SYNPO: variants seen among roughly 807,000 people sequenced by gnomAD.
The protein encoded by SYNPO is synaptopodin.
Under a neutral mutation model 49.5 loss-of-function variants are expected in SYNPO, and 19 were observed. That is an observed-to-expected ratio of 0.38 (90% CI 0.27 to 0.56). SYNPO has a LOEUF of 0.56. Among genes scored for constraint, SYNPO ranks in the 20% least tolerant of loss-of-function variants. SYNPO has a pLI of 0.68. For missense variants in SYNPO, 1,131 were observed against 1,248.3 expected (o/e 0.91, Z 1.42); for synonymous variants, 536 against 548.0 (o/e 0.98, Z 0.31).
In SYNPO at chr5:150,647,953, G is replaced by A. The variant is rs375586790; in HGVS notation, c.-323G>A. On this transcript the variant is annotated 5_prime_UTR_variant, in exon 2 of 3. Transcript: ENST00000307662. ...TTGTCCCTCCCTGTAGCGTTGGGCC[G>A]GAGCACTAGCCTCACGGAGAAGGAT... is the stretch of plus-strand genomic sequence containing the variant. 23 of 1,551,518 alleles carry A rather than the reference G, an allele frequency of 1.5e-5. No homozygotes were observed. The highest frequency in any genetic ancestry group is 2.7e-5 in the African/African-American group (2 of 73,158).
intron 2 of SYNPO, among the ~76,000 whole-genome samples, chr5:150,634,171 G>A (rs1309838008): frequency 6.6e-6 from 1 of 152,126 alleles, no homozygotes; most frequent in African/African-American, 2.4e-5. Context: ...GCCTGTTAAG[G>A]TGTATATTCT....
upstream of SYNPO, among the ~76,000 whole-genome samples, chr5:150,637,813 T>C (rs1757769527): frequency 6.6e-6 from 1 of 152,194 alleles, no homozygotes; most frequent in East Asian, 1.9e-4. Flanking sequence ...CTGCACGGCG[T>C]CCTTTCCTAT....
At chr5:150,626,967 CAT>C (rs1401054479) in intron 2 of SYNPO, among the ~76,000 whole-genome samples, 2 of 152,190 alleles carry the variant, frequency 1.3e-5, no homozygotes, top group East Asian at 1.9e-4. Flanking sequence ...CCAGGGCTGA[CAT>C]GTGTCTTCCT....
intron 2 of SYNPO, chr5:150,653,798 G>C (rs1159202768): frequency 6.6e-6 from 1 of 152,182 alleles, no homozygotes; most frequent in Non-Finnish European, 1.5e-5. Flanking sequence ...GAAAACAGTG[G>C]GATCCCAGGC....
intron 1 of SYNPO, among the ~76,000 whole-genome samples, chr5:150,606,038 G>A (rs779086173): frequency 1.3e-5 from 2 of 152,012 alleles, no homozygotes; most frequent in Non-Finnish European, 1.5e-5. Flanking sequence ...AACACGTACA[G>A]ACACACAGAT....
At chr5:150,599,914 C>A (rs1260848587), upstream of SYNPO, among the ~76,000 whole-genome samples, 3 of 152,148 alleles carry the variant, frequency 2.0e-5, no homozygotes, top group Non-Finnish European at 4.4e-5. Context: ...GAGAGGGGAA[C>A]TGAGGCCACC....
rs546161525 is a variant in SYNPO at position 150,606,387 on chromosome 5, G to A, written c.-266+5199G>A. Among the ~76,000 whole-genome samples, 3 of 152,344 alleles carry A rather than the reference G, an allele frequency of 2.0e-5. No homozygotes were observed. In the South Asian group the frequency reaches 6.2e-4, roughly 32 times the overall value. Reference sequence around the variant, plus strand: ...AGGCTCTGTTCTAAGCTCTTATATTGTTTCATCCTCACAACCACCCAGTGA... The same window carrying A: ...AGGCTCTGTTCTAAGCTCTTATATTATTTCATCCTCACAACCACCCAGTGA... On this transcript the variant is annotated intron_variant, in intron 1 of 2. Transcript: ENST00000394243.
rs769009216 is a variant in SYNPO, at chr5:150,648,939, T to C, written c.664T>C (p.Tyr222His). Residue 222 changes from tyrosine to histidine, a missense_variant, in exon 2 of 3, where the codon TAC becomes CAC. Tyr to His is a moderately conservative substitution (Grantham distance 83, BLOSUM62 2). Transcript: ENST00000307662. This position sits in a 1 kb window ranked among gnomAD's most constrained non-coding sequence, Gnocchi z 5.0. ...AGCTGCCACCACGCCCACCAAGGTC[T>C]ACAGTGAGGTCCACTTCACACTGGC... ...RAAATTPTKV[Y>H]SEVHFTLAKP... The C allele has an allele frequency of 1.5e-5, 25 of 1,614,080 alleles. No individual in the cohort carries two copies. In the South Asian group the frequency reaches 2.7e-4, roughly 18 times the overall value.
chr5:150,644,846 C>A (rs565199650), intron 1 of SYNPO, among the ~76,000 whole-genome samples: 1 of 152,228 alleles, frequency 6.6e-6, no homozygotes, highest in East Asian at 1.9e-4. Context: ...TAATAGACAT[C>A]TTTAATAGAT....
intron 2 of SYNPO, among the ~76,000 whole-genome samples, chr5:150,635,213 G>A (rs1757675212): frequency 6.6e-6 from 1 of 152,288 alleles, no homozygotes; most frequent in African/African-American, 2.4e-5. Context: ...ACATATTTAT[G>A]TGTACGTCCT....
intron 1 of SYNPO, among the ~76,000 whole-genome samples, chr5:150,646,495 G>A (rs771963631): frequency 3.3e-5 from 5 of 152,028 alleles, no homozygotes; most frequent in East Asian, 1.9e-4. Flanking sequence ...TGAGGTGGGC[G>A]GATCACTTGC....
intron 2 of SYNPO, among the ~76,000 whole-genome samples, chr5:150,619,720 A>C (rs535258660): frequency 1.3e-5 from 2 of 152,258 alleles, no homozygotes; most frequent in South Asian, 4.1e-4. Flanking sequence ...CTTGTGCGTC[A>C]GGAAACTGAA....
At chr5:150,611,751 C>T (rs375065543) in intron 1 of SYNPO, among the ~76,000 whole-genome samples, 8 of 152,192 alleles carry the variant, frequency 5.3e-5, no homozygotes, top group Admixed American at 1.3e-4. Context: ...AAGAAGGGAT[C>T]GGGACCGTGG....
Position 150,648,083 on chromosome 5 carries a change from G to C in SYNPO, c.-193G>C, listed in dbSNP as rs1331086579. 1.3e-6 allele frequency: 2 copies of C among 1,551,756 alleles called. No homozygotes were observed. Among genetic ancestry groups the C allele is most frequent in the African/African-American group, 1.4e-5 (1 of 73,170 alleles). ...AGCTCTTCAACAGGCGCCGGCAGAG[G>C]GTGAACGAGTTCACCTTGGAGAGCC... On this transcript the variant is annotated 5_prime_UTR_variant, in exon 2 of 3. Coordinates refer to ENST00000307662, the MANE Select transcript of SYNPO (RefSeq NM_007286.6). This position sits in a 1 kb window ranked among gnomAD's most constrained non-coding sequence, Gnocchi z 5.0.
At chr5:150,618,046 C>T in intron 1 of SYNPO, 1 of 237,592 alleles carries the variant, frequency 4.2e-6, no homozygotes. Context: ...AGAAATTCAG[C>T]CTGGAACCCC....
upstream of SYNPO, among the ~76,000 whole-genome samples, chr5:150,600,054 C>T (rs1197229813): frequency 2.6e-5 from 4 of 152,166 alleles, no homozygotes; most frequent in African/African-American, 4.8e-5. Context: ...GAGCCGGGGT[C>T]GATTTTCTGT....
intron 1 of SYNPO, among the ~76,000 whole-genome samples, chr5:150,609,294 TA>T (rs1397651339): frequency 1.3e-5 from 2 of 152,204 alleles, no homozygotes; most frequent in Admixed American, 6.5e-5. Flanking sequence ...TTTTTATTTT[TA>T]ATTTTTTTAA....
chr5:150,596,388 G>T (rs1756424782), upstream of SYNPO, among the ~76,000 whole-genome samples: 1 of 152,168 alleles, frequency 6.6e-6, no homozygotes, highest in Non-Finnish European at 1.5e-5. Context: ...TCACTAAGAA[G>T]GCTGGACTCA....
chr5:150,606,785 C>T (rs572481941), intron 1 of SYNPO, among the ~76,000 whole-genome samples: 3 of 152,304 alleles, frequency 2.0e-5, no homozygotes, highest in South Asian at 2.1e-4. Flanking sequence ...GCTGGCCAAC[C>T]GAGCAAATCT....
Sources: allele counts gnomAD v4.1 joint callset (sites outside exome capture counted in the v4.1 genomes callset), GRCh38; gene constraint gnomAD v4.1.1; non-coding constraint Gnocchi (gnomAD v3.1); transcripts MANE v1.5; gene names NCBI Gene and HGNC (gene_info 2026-07-23, HGNC 2026-07-21).